ANKFN1: variants seen among roughly 807,000 people sequenced by gnomAD.
ANKFN1 encodes the protein ankyrin repeat and fibronectin type-III domain-containing protein 1.
A neutral mutation model predicts 108.7 loss-of-function variants in ANKFN1; 74 were observed. The ratio of observed to expected loss-of-function variants is 0.68; its 90% CI spans 0.56 to 0.83. The LOEUF is 0.83. Among genes scored for constraint, ANKFN1 ranks in the 40% least tolerant of loss-of-function variants. The pLI is 0.00. For synonymous variants in ANKFN1, 547 were observed against 516.2 expected (o/e 1.06, Z -0.81); for missense variants, 1,505 against 1,382.3 (o/e 1.09, Z -1.41).
intron 8 of ANKFN1, among the ~76,000 whole-genome samples, chr17:56,405,429 T>C (rs2047892599): frequency 6.6e-6 from 1 of 152,218 alleles, no homozygotes. Context: ...CTTCATATAA[T>C]GCTGGGAGAA....
chr17:56,121,496 CTAGAGG>C (rs1906617842), intron 4 of ANKFN1, among the ~76,000 whole-genome samples: 1 of 151,906 alleles, frequency 6.6e-6, no homozygotes, highest in East Asian at 1.9e-4. Flanking sequence ...GGCTGTTTTG[CTAGAGG>C]TAAAGTGTTC....
intron 4 of ANKFN1, among the ~76,000 whole-genome samples, chr17:56,106,659 T>G (rs1382994848): frequency 6.6e-6 from 1 of 152,188 alleles, no homozygotes; most frequent in Non-Finnish European, 1.5e-5. Flanking sequence ...AGTATTTACC[T>G]TTTCTGGGAA....
chr17:56,380,618 G>A (rs552382668), intron 8 of ANKFN1, among the ~76,000 whole-genome samples: 39 of 152,284 alleles, frequency 2.6e-4, no homozygotes, highest in South Asian at 1.2e-3. Context: ...AAAAAACAGC[G>A]CACCAGGAGA....
At chr17:56,343,362 G>A (rs182644314) in intron 4 of ANKFN1, among the ~76,000 whole-genome samples, 3 of 151,968 alleles carry the variant, frequency 2.0e-5, no homozygotes, top group Admixed American at 2.0e-4. Context: ...ATGTAGTTTT[G>A]TTGGGTAGAG....
intron 18 of ANKFN1, 164 bp downstream of exon 18, chr17:56,482,688 G>T: frequency 1.4e-6 from 1 of 737,032 alleles, no homozygotes. Context: ...AAAAAGCAAA[G>T]CTCCAAGACT....
intron 15 of ANKFN1, chr17:56,473,328 C>T (rs1478685140): frequency 6.6e-6 from 1 of 152,100 alleles, no homozygotes; most frequent in Non-Finnish European, 1.5e-5. Context: ...GAGGTCAAAT[C>T]AGGTAATATG....
At chr17:56,346,729 A>G (rs1210808876) in intron 4 of ANKFN1, among the ~76,000 whole-genome samples, 1 of 97,542 alleles carries the variant, frequency 1.0e-5, no homozygotes, top group Non-Finnish European at 2.2e-5. Flanking sequence ...CCATTGACGT[A>G]CTATTTTTTT....
chr17:56,130,934 G>GT (rs368642526), intron 4 of ANKFN1, among the ~76,000 whole-genome samples: 54 of 148,350 alleles, frequency 3.6e-4, no homozygotes, highest in Non-Finnish European at 4.5e-4. Context: ...TCTAACTTGA[G>GT]TTTTTTTTTT....
intron 8 of ANKFN1, among the ~76,000 whole-genome samples, chr17:56,423,356 T>C (rs770842593): frequency 6.6e-6 from 1 of 152,118 alleles, no homozygotes; most frequent in African/African-American, 2.4e-5. Flanking sequence ...CTTGAAACAG[T>C]ATGAGAAGCA....
At chr17:56,162,325 T>A (rs573780431) in intron 1 of ANKFN1, among the ~76,000 whole-genome samples, 1 of 152,230 alleles carries the variant, frequency 6.6e-6, no homozygotes, top group Non-Finnish European at 1.5e-5. Flanking sequence ...ATTTATTGTC[T>A]CTCAGTTCTG....
chr17:56,443,496 C>T (rs904850320), intron 10 of ANKFN1, among the ~76,000 whole-genome samples: 4 of 152,166 alleles, frequency 2.6e-5, no homozygotes, highest in African/African-American at 9.7e-5. Context: ...GCCCAGAGTA[C>T]ATACAGTCCA....
chr17:56,094,184 G>A (rs972613223), intron 4 of ANKFN1, among the ~76,000 whole-genome samples: 3 of 151,018 alleles, frequency 2.0e-5, no homozygotes, highest in African/African-American at 7.3e-5. Context: ...CCCTCAGAAG[G>A]AACCAACCCT....
chr17:56,055,603 T>TA (rs1555588793), intron 4 of ANKFN1, among the ~76,000 whole-genome samples: 6 of 37,634 alleles, frequency 1.6e-4, no homozygotes, highest in South Asian at 6.9e-4. Flanking sequence ...ATATACACAT[T>TA]TTTTTATCCA....
At chr17:56,282,754 G>T (rs1333875117) in intron 3 of ANKFN1, among the ~76,000 whole-genome samples, 1 of 151,928 alleles carries the variant, frequency 6.6e-6, no homozygotes, top group African/African-American at 2.4e-5. Flanking sequence ...TGCTAGGAGT[G>T]ATCTGTATCT....
At chr17:56,287,950 A>T (rs1448095657) in intron 3 of ANKFN1, among the ~76,000 whole-genome samples, 1 of 152,170 alleles carries the variant, frequency 6.6e-6, no homozygotes, top group Non-Finnish European at 1.5e-5. Context: ...CAAGGTTAAC[A>T]CAATTGCCAG....
At chr17:56,312,640 T>C (rs948285667) in intron 3 of ANKFN1, among the ~76,000 whole-genome samples, 1 of 152,180 alleles carries the variant, frequency 6.6e-6, no homozygotes, top group African/African-American at 2.4e-5. Context: ...GAAAGGTCAC[T>C]AGCTTCCAGC....
chr17:56,496,008 T>G (rs2051190292), intron 19 of ANKFN1, among the ~76,000 whole-genome samples: 1 of 152,116 alleles, frequency 6.6e-6, no homozygotes, highest in Non-Finnish European at 1.5e-5. Flanking sequence ...TTAAAATGTG[T>G]CAGCAAGTCT....
intron 4 of ANKFN1, among the ~76,000 whole-genome samples, chr17:56,143,184 A>G (rs975474342): frequency 4.6e-5 from 7 of 152,172 alleles, no homozygotes; most frequent in Admixed American, 2.0e-4. Context: ...GGCTTCACGC[A>G]TGGTAGGCTA....
At chr17:56,247,811 C>T (rs2043152143) in intron 3 of ANKFN1, among the ~76,000 whole-genome samples, 1 of 152,162 alleles carries the variant, frequency 6.6e-6, no homozygotes, top group Non-Finnish European at 1.5e-5. Context: ...AGACTTCTAA[C>T]TTCACCTTGG....
Sources: allele counts gnomAD v4.1 joint callset (sites outside exome capture counted in the v4.1 genomes callset), GRCh38; gene constraint gnomAD v4.1.1; transcripts MANE v1.5; gene names NCBI Gene and HGNC (gene_info 2026-07-23, HGNC 2026-07-21).